The following VAV2 variants were observed in gnomAD, a reference collection of about 807,000 sequenced individuals.
VAV2 encodes vav guanine nucleotide exchange factor 2, also known as guanine nucleotide exchange factor VAV2.
VAV2 carries 67 observed loss-of-function variants against 132.5 expected under a neutral mutation model. The observed-to-expected ratio is 0.51, with a 90% confidence interval of 0.42 to 0.62. The LOEUF (loss-of-function observed/expected upper bound fraction) is 0.62. Ranked by LOEUF, VAV2 falls within the 20% of genes least tolerant of loss-of-function variation. The pLI, the probability that VAV2 is intolerant of heterozygous loss-of-function variation, is 0.00. For synonymous variants in VAV2, 492 were observed against 443.5 expected, an observed-to-expected ratio of 1.11 and a Z score of -1.37; for missense variants, 938 against 1,153.6, an observed-to-expected ratio of 0.81 and a Z score of 2.71.
intron 4 of VAV2, among the ~76,000 whole-genome samples, chr9:133,819,451 A>T (rs1207317353): frequency 6.6e-6 from 1 of 151,560 alleles, no homozygotes; most frequent in Non-Finnish European, 1.5e-5. Context: ...TCCGTCTCAA[A>T]AAAAAAAAAA....
intron 11 of VAV2, 112 bp downstream of exon 11, chr9:133,796,317 A>T: frequency 1.2e-6 from 1 of 836,144 alleles, no homozygotes; most frequent in Non-Finnish European, 1.9e-6. Context: ...TGACTTGTCT[A>T]TATTCAACTT....
chr9:133,878,438 G>A (rs965270725), intron 2 of VAV2, among the ~76,000 whole-genome samples: 2 of 152,250 alleles, frequency 1.3e-5, no homozygotes, highest in African/African-American at 4.8e-5. Flanking sequence ...GGTGGCCCAT[G>A]GTGAGTGAGG....
rs1838585627 is a variant in VAV2 at position 133,883,590 on chromosome 9, C to T, written c.322-22158G>A. On this transcript the variant is annotated intron_variant, in intron 2 of 29. Transcript: ENST00000371850. The surrounding 1 kb of genome is among the most constrained non-coding windows in gnomAD (Gnocchi z 4.2). ...GAGACTCCCAAGTCATCCCCAGCCA[C>T]GGCAGGCAGGCGGCCCAGCAGCAGG... Among the ~76,000 whole-genome samples the T allele has an allele frequency of 6.6e-6, 1 of 152,198 alleles. No homozygotes were observed. Among genetic ancestry groups the T allele is most frequent in the African/African-American group, 2.4e-5 (1 of 41,444 alleles).
chr9:133,989,076 C>T (rs1301269103), intron 1 of VAV2, among the ~76,000 whole-genome samples: 1 of 152,012 alleles, frequency 6.6e-6, no homozygotes, highest in Non-Finnish European at 1.5e-5. Flanking sequence ...CAGTGGCTCA[C>T]GCCTGCAATC....
intron 2 of VAV2, among the ~76,000 whole-genome samples, chr9:133,923,882 A>G (rs879498020): frequency 6.6e-6 from 1 of 152,192 alleles, no homozygotes; most frequent in East Asian, 1.9e-4. Flanking sequence ...TCAGCAAACT[A>G]TCACAAAGAC....
At chr9:133,861,275 G>T in intron 3 of VAV2, 99 bp downstream of exon 3, 1 of 1,323,906 alleles carries the variant, frequency 7.6e-7, no homozygotes, top group Non-Finnish European at 1.0e-6. Context: ...GACACAGGCA[G>T]AGGGCATCTG....
In VAV2 at chr9:133,839,215, G is replaced by A. The variant is rs577405993; in HGVS notation, c.381-4875C>T. Among the ~76,000 whole-genome samples, 5 of 152,192 alleles carry A rather than the reference G, an allele frequency of 3.3e-5. No homozygotes were observed. In the South Asian group the frequency reaches 1.0e-3, roughly 32 times the overall value. On this transcript the variant is annotated intron_variant, in intron 3 of 29. Coordinates refer to ENST00000371850, the MANE Select transcript of VAV2 (RefSeq NM_001134398.2). ...AAGTGGAAGGATAGATAAATGGGTTGTCGGGTGGCTGGATTCATGGGTGCA... is the reference window on the plus strand; with the variant it reads ...AAGTGGAAGGATAGATAAATGGGTTATCGGGTGGCTGGATTCATGGGTGCA...
intron 1 of VAV2, among the ~76,000 whole-genome samples, chr9:133,968,436 C>G (rs117038530): frequency 0.027 from 4,165 of 152,140 alleles, 83 homozygotes; most frequent in Middle Eastern, 0.068. Flanking sequence ...AAAACACCAC[C>G]AAAAGGCAAG....
intron 1 of VAV2, among the ~76,000 whole-genome samples, chr9:133,950,323 T>C (rs973471599): frequency 2.0e-5 from 3 of 152,122 alleles, no homozygotes; most frequent in African/African-American, 7.2e-5. Flanking sequence ...AGGCTCCTAT[T>C]CAACTCTGCA....
rs1294320762 is a variant in VAV2 at position 133,912,012 on chromosome 9, T to C, written c.321+27091A>G. ...ATAGGTAAACGTGTGCCATGCTGGA[T>C]TGCTGCACAGAGCATCCCATCACCT... On this transcript the variant is annotated intron_variant, in intron 2 of 29. Transcript: ENST00000371850. This position sits in a 1 kb window ranked among gnomAD's most constrained non-coding sequence, Gnocchi z 4.3. 6.6e-6 allele frequency among the ~76,000 whole-genome samples: 1 copy of C among 152,196 alleles called. No homozygotes were observed. The highest frequency in any genetic ancestry group is 1.5e-5 in the Non-Finnish European group (1 of 68,028).
intron 1 of VAV2, among the ~76,000 whole-genome samples, chr9:133,954,159 T>C (rs981598499): frequency 2.6e-5 from 4 of 152,306 alleles, no homozygotes; most frequent in East Asian, 1.9e-4. Context: ...TTAGCACCCA[T>C]CATTTCGAGA....
chr9:133,926,851 C>G lies in VAV2; in HGVS notation c.321+12252G>C, dbSNP rs1457359004. 1.3e-5 allele frequency among the ~76,000 whole-genome samples: 2 copies of G among 152,192 alleles called. No homozygotes were observed. Among genetic ancestry groups the G allele is most frequent in the African/African-American group, 4.8e-5 (2 of 41,432 alleles). On this transcript the variant is annotated intron_variant, in intron 2 of 29. Transcript: ENST00000371850. This position sits in a 1 kb window ranked among gnomAD's most constrained non-coding sequence, Gnocchi z 4.3. ...CACCAGCTGAGCTAAGCAGAGCACA[C>G]AGAAGCAGAGAGGACCACCCTCCTG...
chr9:133,909,500 A>G (rs555501057), intron 2 of VAV2, among the ~76,000 whole-genome samples: 1 of 152,328 alleles, frequency 6.6e-6, no homozygotes, highest in East Asian at 1.9e-4. Context: ...CCCCACCTCA[A>G]TGAGCCACAC....
At chr9:133,867,897 C>G (rs147803020) in intron 2 of VAV2, among the ~76,000 whole-genome samples, 2,240 of 152,312 alleles carry the variant, frequency 0.015, 34 homozygotes, top group African/African-American at 0.015. Flanking sequence ...CCTCCAGCAT[C>G]GTTTCCTGAA....
intron 1 of VAV2, among the ~76,000 whole-genome samples, chr9:133,982,959 T>C (rs563189603): frequency 6.6e-6 from 1 of 152,240 alleles, no homozygotes; most frequent in East Asian, 1.9e-4. Flanking sequence ...ACCGTCTGGC[T>C]CAAGAAACCT....
intron 2 of VAV2, among the ~76,000 whole-genome samples, chr9:133,911,344 C>T (rs1839878845): frequency 6.6e-6 from 1 of 152,196 alleles, no homozygotes; most frequent in African/African-American, 2.4e-5. Context: ...GCCAGCCACA[C>T]ACAGCCTGCA....
chr9:133,854,785 C>T lies in VAV2; in HGVS notation c.380+6589G>A, dbSNP rs774552392. Reference sequence around the variant, plus strand: ...GAGGAGGTTGAATCCATTATTGTAACGAAAGGAAAGAAAAGGAAAAAAAAG... The same window carrying T: ...GAGGAGGTTGAATCCATTATTGTAATGAAAGGAAAGAAAAGGAAAAAAAAG... On this transcript the variant is annotated intron_variant, in intron 3 of 29. Transcript: ENST00000371850. Among the ~76,000 whole-genome samples the T allele has an allele frequency of 4.6e-5, 7 of 151,982 alleles. No homozygotes were observed. In the South Asian group the frequency reaches 8.3e-4, roughly 18 times the overall value.
intron 2 of VAV2, among the ~76,000 whole-genome samples, chr9:133,896,608 C>G (rs992684503): frequency 6.6e-6 from 1 of 152,308 alleles, no homozygotes; most frequent in South Asian, 2.1e-4. Context: ...TTGTTCAGGT[C>G]ACTCTCAGAG....
intron 10 of VAV2, among the ~76,000 whole-genome samples, 174 bp from the exon 11 acceptor site, chr9:133,796,698 G>C (rs10119331): frequency 0.39 from 58,674 of 152,030 alleles, 12,121 homozygotes; most frequent in South Asian, 0.5. Flanking sequence ...TGTGCAGAGG[G>C]GGGGGCTTCA....
Sources: allele counts gnomAD v4.1 joint callset (sites outside exome capture counted in the v4.1 genomes callset), GRCh38; gene constraint gnomAD v4.1.1; non-coding constraint Gnocchi (gnomAD v3.1); transcripts MANE v1.5; gene names NCBI Gene and HGNC (gene_info 2026-07-23, HGNC 2026-07-21).